NME6: variants seen among roughly 807,000 people sequenced by gnomAD.
The protein encoded by NME6 is nucleoside diphosphate kinase 6, mitochondrial.
Under a neutral mutation model 22.2 loss-of-function variants are expected in NME6, and 16 were observed. That is an observed-to-expected ratio of 0.72 (90% CI 0.49 to 1.09). NME6 has a LOEUF of 1.09. Among genes scored for constraint, NME6 ranks in the 50% least tolerant of loss-of-function variants. The pLI, the probability that NME6 is intolerant of heterozygous loss-of-function variation, is 0.00. For missense variants in NME6, 229 were observed against 239.0 expected (o/e 0.96, Z 0.28); for synonymous variants, 58 against 85.2 (o/e 0.68, Z 1.76).
downstream of NME6, chr3:48,290,751 G>C (rs115492432): frequency 0.011 from 1,724 of 158,192 alleles, 34 homozygotes; most frequent in African/African-American, 0.039. Flanking sequence ...CTGGCAACAA[G>C]AGAAAGTTGG....
chr3:48,294,652 GC>G lies in NME6; in HGVS notation c.545del (p.Gly182AlafsTer2), dbSNP rs769330539. The G allele has an allele frequency of 6.4e-5, 104 of 1,613,958 alleles. No homozygotes were observed. Among genetic ancestry groups the G allele is most frequent in the Non-Finnish European group, 7.1e-5 (84 of 1,180,002 alleles). On this transcript the variant is annotated frameshift_variant, in exon 6 of 6. Coordinates refer to ENST00000442597, the MANE Select transcript of NME6 (RefSeq NM_001308426.2). LOFTEE classifies it high-confidence loss of function. ...GGVHYVAGTG[G>X]LGPA ...TAGACCTGCATCAGGCTGGTCCTAG[GC>G]CTCCTGTTCCAGCTACATAGTGGAC...
chr3:48,296,360 A>G, intron 3 of NME6: 1 of 692,416 alleles, frequency 1.4e-6, no homozygotes, highest in Non-Finnish European at 2.5e-6. Context: ...TAACCTCCTA[A>G]ACTTGGCTTC....
In NME6 at chr3:48,294,480, C is replaced by G; in HGVS notation, c.*157G>C. ...AGAAGAGGTAGATAGAAGGCTAGAT[C>G]CTGGAGGATGTGCTGTGGTGAGCTA... On this transcript the variant is annotated 3_prime_UTR_variant, in exon 6 of 6. Coordinates refer to ENST00000442597, the MANE Select transcript of NME6 (RefSeq NM_001308426.2). The G allele has an allele frequency of 1.6e-6, 1 of 635,078 alleles. No homozygotes were observed. Among genetic ancestry groups the G allele is most frequent in the Non-Finnish European group, 2.7e-6 (1 of 365,770 alleles). The allele number at this position is 635,078 out of a possible 1,614,324, so 39.3% of individuals were successfully genotyped here. A position where few individuals can be genotyped will look rare whatever the true frequency, so the allele number is the denominator to read the frequency against.
intron 1 of NME6, among the ~76,000 whole-genome samples, chr3:48,299,850 A>T (rs2035509567): frequency 6.6e-6 from 1 of 152,194 alleles, no homozygotes; most frequent in Non-Finnish European, 1.5e-5. Context: ...GTACAAGATC[A>T]GCTAACCCAC....
At chr3:48,291,983 T>TCTC (rs1480975918), downstream of NME6, 1 of 152,272 alleles carries the variant, frequency 6.6e-6, no homozygotes, top group African/African-American at 2.4e-5. Flanking sequence ...GCCAGGATGG[T>TCTC]CTCGATCTCC....
chr3:48,299,066 A>C, intron 1 of NME6: 1 of 686,550 alleles, frequency 1.5e-6, no homozygotes, highest in Non-Finnish European at 2.7e-6. Flanking sequence ...TATTATGGAG[A>C]GATCAGGATC....
At chr3:48,291,288 C>CT (rs2034441196), downstream of NME6, 3 of 425,534 alleles carry the variant, frequency 7.0e-6, no homozygotes, top group Admixed American at 9.3e-5. Flanking sequence ...CTTTTTAGGT[C>CT]TTTATCATTT....
intron 5 of NME6, 24 bp from the exon 6 acceptor site, chr3:48,294,827 A>C: frequency 6.2e-7 from 1 of 1,608,378 alleles, no homozygotes; most frequent in Non-Finnish European, 8.5e-7. Flanking sequence ...TAAGACAGAG[A>C]AGGGGTTCTC....
intron 2 of NME6, 108 bp downstream of exon 2, chr3:48,298,319 C>T: frequency 1.0e-6 from 1 of 976,816 alleles, no homozygotes; most frequent in African/African-American, 1.6e-5. Context: ...TTTGCCTCCA[C>T]AGCATCCAGC....
At chr3:48,301,288 A>C (rs1303008998) in intron 1 of NME6, 65 bp downstream of exon 1, 1 of 1,599,168 alleles carries the variant, frequency 6.3e-7, no homozygotes, top group Non-Finnish European at 8.5e-7. Context: ...CCCGGGGCCT[A>C]AGCCCACCCC....
At chr3:48,300,341 T>C (rs1383485424) in intron 1 of NME6, 2 of 456,626 alleles carry the variant, frequency 4.4e-6, no homozygotes, top group Non-Finnish European at 4.4e-6. Context: ...CATGGGCCTT[T>C]CAGTTTTGAA....
intron 4 of NME6, 164 bp from the exon 5 acceptor site, chr3:48,295,399 G>T: frequency 1.3e-6 from 1 of 743,632 alleles, no homozygotes; most frequent in Non-Finnish European, 2.1e-6. Flanking sequence ...GCCCCTGCTG[G>T]TGTACATCAA....
chr3:48,288,304 C>G (rs561505918), downstream of NME6, among the ~76,000 whole-genome samples: 4 of 149,278 alleles, frequency 2.7e-5, no homozygotes, highest in East Asian at 7.9e-4. Flanking sequence ...TCACCTGAGT[C>G]GGGGAGGTGG....
At chr3:48,291,340 G>T, downstream of NME6, 3 of 477,232 alleles carry the variant, frequency 6.3e-6, no homozygotes, top group South Asian at 4.7e-5. Flanking sequence ...TTCGCTTCAT[G>T]GTCGCAGACT....
rs1224178719 is a variant in NME6, at chr3:48,298,408, A to T, written c.90+19T>A. On this transcript the variant is annotated intron_variant, in intron 2 of 5. Transcript: ENST00000442597. ...GCAATTCCCAGGGCATGCGGTAGAG[A>T]CTTAGGATTCATTCTTACCTCCAGA... 4 of 1,606,798 alleles carry T rather than the reference A, an allele frequency of 2.5e-6. No homozygotes were observed. The highest frequency in any genetic ancestry group is 3.4e-6 in the Non-Finnish European group (4 of 1,173,468).
chr3:48,290,261 A>ATT (rs910886915), downstream of NME6, among the ~76,000 whole-genome samples: 4 of 150,930 alleles, frequency 2.7e-5, no homozygotes, highest in African/African-American at 9.7e-5. Context: ...TTAAAAAAAA[A>ATT]TTTTTTTTTA....
At chr3:48,295,304 C>T in intron 4 of NME6, 69 bp from the exon 5 acceptor site, 1 of 1,495,540 alleles carries the variant, frequency 6.7e-7, no homozygotes, top group Non-Finnish European at 9.0e-7. Flanking sequence ...GTGAGCAGGG[C>T]CTGAATAAAA....
At chr3:48,289,130 T>C (rs1250815848), downstream of NME6, among the ~76,000 whole-genome samples, 4 of 151,944 alleles carry the variant, frequency 2.6e-5, no homozygotes, top group African/African-American at 9.7e-5. Context: ...AATGGCGTGA[T>C]CTCAGCTCAC....
At chr3:48,292,312 A>G (rs566500130), downstream of NME6, 4 of 152,312 alleles carry the variant, frequency 2.6e-5, no homozygotes, top group South Asian at 2.1e-4. Context: ...GTTCACACTG[A>G]TATCTCCAAT....
Sources: gnomAD v4.1 joint callset for allele counts (sites outside exome capture counted in the v4.1 genomes callset) on GRCh38, gnomAD v4.1.1 for gene constraint, MANE v1.5 for transcripts, NCBI Gene and HGNC (gene_info 2026-07-23, HGNC 2026-07-21) for gene names.